Variants in KAT7 observed in about 807,000 individuals in gnomAD.
The protein encoded by KAT7 is histone acetyltransferase KAT7.
A neutral mutation model predicts 82.1 loss-of-function variants in KAT7; 10 were observed. The ratio of observed to expected loss-of-function variants is 0.12; its 90% CI spans 0.08 to 0.21. The LOEUF (loss-of-function observed/expected upper bound fraction) is 0.21. Ranked by LOEUF, KAT7 falls within the 10% of genes least tolerant of loss-of-function variation. The pLI is 1.00. For synonymous variants in KAT7, 250 were observed against 262.5 expected, an observed-to-expected ratio of 0.95 and a Z score of 0.46; for missense variants, 378 against 760.9, an observed-to-expected ratio of 0.50 and a Z score of 5.92.
At chr17:49,800,904 G>A (rs2074016684) in intron 4 of KAT7, among the ~76,000 whole-genome samples, 1 of 152,178 alleles carries the variant, frequency 6.6e-6, no homozygotes, top group South Asian at 2.1e-4. Context: ...AAGCTGCTGT[G>A]ATATGGTCAC....
At chr17:49,808,126 T>A (rs1259643599) in intron 5 of KAT7, among the ~76,000 whole-genome samples, 3 of 147,394 alleles carry the variant, frequency 2.0e-5, no homozygotes, top group African/African-American at 7.5e-5. Flanking sequence ...TTTTCTTTTT[T>A]TTTTTTTTTT....
At chr17:49,825,668 CTG>C (rs1219580449) in intron 12 of KAT7, among the ~76,000 whole-genome samples, 2 of 152,188 alleles carry the variant, frequency 1.3e-5, no homozygotes, top group Non-Finnish European at 2.9e-5. Flanking sequence ...ATAAGTTAAA[CTG>C]TAGCATAGAT....
Position 49,805,356 on chromosome 17 carries a change from T to A in KAT7, c.581-7T>A. 3.1e-6 allele frequency: 5 copies of A among 1,596,250 alleles called. No individual in the cohort carries two copies. Among genetic ancestry groups the A allele is most frequent in the Non-Finnish European group, 4.3e-6 (5 of 1,164,240 alleles). ...TTCTTGAGATTAAGTTTTCCCTCCTTTAACAGGACACCTTACAGGAAAACA... is the reference window on the plus strand; with the variant it reads ...TTCTTGAGATTAAGTTTTCCCTCCTATAACAGGACACCTTACAGGAAAACA... On this transcript the variant is annotated splice_region_variant and splice_polypyrimidine_tract_variant and intron_variant, in intron 4 of 14. Coordinates refer to ENST00000259021, the MANE Select transcript of KAT7 (RefSeq NM_007067.5).
chr17:49,791,059 C>G (rs2073881619), intron 1 of KAT7, among the ~76,000 whole-genome samples: 1 of 152,176 alleles, frequency 6.6e-6, no homozygotes, highest in African/African-American at 2.4e-5. Flanking sequence ...CATGTGCAAG[C>G]TGCCTTTTTG....
chr17:49,796,668 C>T (rs1802674667), intron 2 of KAT7, 82 bp from the exon 3 acceptor site: 7 of 1,045,818 alleles, frequency 6.7e-6, no homozygotes, highest in East Asian at 2.5e-5. Flanking sequence ...GGAGGAGGAG[C>T]GATATTCTGA....
intron 14 of KAT7, chr17:49,827,012 C>T (rs2074376601): frequency 2.1e-6 from 1 of 478,654 alleles, no homozygotes; most frequent in African/African-American, 1.9e-5. Context: ...ATTTGGATGA[C>T]ACAAGTTAAG....
intron 4 of KAT7, among the ~76,000 whole-genome samples, chr17:49,800,350 C>T (rs2074009548): frequency 1.3e-5 from 2 of 152,188 alleles, no homozygotes; most frequent in South Asian, 4.1e-4. Context: ...TAATTTCAAA[C>T]CATCGGAATA....
intron 2 of KAT7, among the ~76,000 whole-genome samples, chr17:49,794,287 T>G (rs1251890741): frequency 6.6e-6 from 1 of 152,068 alleles, no homozygotes; most frequent in Non-Finnish European, 1.5e-5. Context: ...AATGATGAAG[T>G]CTTTTTTGTT....
chr17:49,832,987 CCTT>C lies in KAT7; in HGVS notation c.*5490_*5492del, dbSNP rs1023501297. The C allele has an allele frequency of 2.0e-5, 3 of 152,140 alleles. No individual in the cohort carries two copies. Among genetic ancestry groups the C allele is most frequent in the Non-Finnish European group, 2.9e-5 (2 of 68,038 alleles). 9.4% of individuals were successfully genotyped at this position (152,140 alleles called of 1,614,324 possible). On this transcript the variant is annotated 3_prime_UTR_variant, in exon 15 of 15. Transcript: ENST00000259021. ...CCTGCTGATAGGGGCAGTTTAATAG[CCTT>C]CTTCCTGTGTGGTATCTGCAACAAA...
chr17:49,789,446 C>CCAGTTGCCACCAAG (rs2073855395), intron 1 of KAT7: 1 of 152,154 alleles, frequency 6.6e-6, no homozygotes, highest in African/African-American at 2.4e-5. Flanking sequence ...CCCTCTCAGG[C>CCAGTTGCCACCAAG]CAGTTGCCTC....
At chr17:49,821,306 G>T in intron 9 of KAT7, 31 bp from the exon 10 acceptor site, 1 of 1,554,618 alleles carries the variant, frequency 6.4e-7, no homozygotes, top group Non-Finnish European at 8.9e-7. Flanking sequence ...GGAGGCTTTG[G>T]TTCCCTGATG....
chr17:49,824,026 G>C (rs1431197964), intron 12 of KAT7, among the ~76,000 whole-genome samples: 1 of 152,184 alleles, frequency 6.6e-6, no homozygotes. Context: ...AGGTGAATTA[G>C]AGAGTTGCTG....
chr17:49,807,014 A>T (rs907715361), intron 5 of KAT7, among the ~76,000 whole-genome samples: 2 of 152,226 alleles, frequency 1.3e-5, no homozygotes, highest in African/African-American at 4.8e-5. Context: ...GAACCTGCAT[A>T]TACATGATTG....
intron 7 of KAT7, among the ~76,000 whole-genome samples, chr17:49,814,474 G>A (rs1378300983): frequency 6.6e-6 from 1 of 152,104 alleles, no homozygotes. Flanking sequence ...TGATTGTGAC[G>A]TTCCTTTGAT....
At chr17:49,791,380 G>A (rs985624474) in intron 1 of KAT7, among the ~76,000 whole-genome samples, 5 of 152,146 alleles carry the variant, frequency 3.3e-5, no homozygotes, top group East Asian at 1.9e-4. Context: ...CTTCATGGCC[G>A]GGTGTGGTGG....
intron 9 of KAT7, 43 bp downstream of exon 9, chr17:49,818,054 A>G (rs749082146): frequency 8.0e-6 from 12 of 1,506,928 alleles, no homozygotes; most frequent in South Asian, 1.1e-5. Context: ...TGATGGCAAT[A>G]AGCTGTAGGA....
chr17:49,799,651 A>C (rs962750347), intron 4 of KAT7, among the ~76,000 whole-genome samples: 2 of 151,816 alleles, frequency 1.3e-5, no homozygotes, highest in Non-Finnish European at 2.9e-5. Context: ...CTGGGATTAC[A>C]GGCATGAGCC....
At position 49,811,579 on chromosome 17, in the gene KAT7, G is replaced by A. The variant is rs1248704704; in HGVS notation, c.852+5G>A. ...GAACAGAAAGAGAAATATATGGTGA[G>A]GGAAAGTTAAATATTTAATGAGCAT... On this transcript the variant is annotated splice_donor_5th_base_variant and intron_variant, in intron 7 of 14. Transcript: ENST00000259021. 1.4e-6 allele frequency: 2 copies of A among 1,415,388 alleles called. No homozygotes were observed. The highest frequency in any genetic ancestry group is 1.5e-5 in the African/African-American group (1 of 68,678). 87.7% of individuals were successfully genotyped at this position (1,415,388 alleles called of 1,614,324 possible). A position where few individuals can be genotyped will look rare whatever the true frequency, so the allele number is the denominator to read the frequency against.
At chr17:49,792,627 T>G (rs896584861) in intron 2 of KAT7, among the ~76,000 whole-genome samples, 1 of 152,106 alleles carries the variant, frequency 6.6e-6, no homozygotes, top group African/African-American at 2.4e-5. Context: ...CATTTGATCA[T>G]GAGGGTAAAC....
Sources: gnomAD v4.1 joint callset for allele counts (sites outside exome capture counted in the v4.1 genomes callset) on GRCh38, gnomAD v4.1.1 for gene constraint, MANE v1.5 for transcripts, NCBI Gene and HGNC (gene_info 2026-07-23, HGNC 2026-07-21) for gene names.